PWWP2B: variants seen among roughly 807,000 people sequenced by gnomAD.
PWWP2B encodes the protein PWWP domain-containing protein 2B.
In PWWP2B, 9 loss-of-function variants were observed where a neutral mutation model predicts 15.5. That is an observed-to-expected ratio of 0.58 (90% CI 0.35 to 1.02). The LOEUF (loss-of-function observed/expected upper bound fraction) is 1.02, where lower values mean the gene tolerates loss of function less well. PWWP2B is among the 50% of genes least tolerant of loss of function. The pLI is 0.02. For synonymous variants in PWWP2B, 474 were observed against 403.6 expected, an observed-to-expected ratio of 1.17 and a Z score of -2.09; for missense variants, 864 against 865.3, an observed-to-expected ratio of 1.00 and a Z score of 0.02.
Position 132,417,522 on chromosome 10 carries a change from C to T in PWWP2B, c.*478C>T, listed in dbSNP as rs531064470. ...AGCTGTCTCGCAGACTCAGCTTGGT[C>T]TCCCGCAGGCTTCAGAAAAACCCAA... On this transcript the variant is annotated 3_prime_UTR_variant, in exon 3 of 3. Transcript: ENST00000305233. 96 of 169,970 alleles carry T rather than the reference C, an allele frequency of 5.6e-4. 1 individual carries two copies. Among genetic ancestry groups the T allele is most frequent in the African/African-American group, 2.2e-3 (94 of 42,110 alleles). 10.5% of individuals were successfully genotyped at this position (169,970 alleles called of 1,614,324 possible).
At chr10:132,412,472 C>T (rs1349174198) in intron 2 of PWWP2B, among the ~76,000 whole-genome samples, 1 of 152,172 alleles carries the variant, frequency 6.6e-6, no homozygotes, top group African/African-American at 2.4e-5. Flanking sequence ...AGGACCCCTT[C>T]AGGGGCCGTG....
Position 132,397,364 on chromosome 10 carries a change from G to A in PWWP2B, c.125+13G>A. 1.5e-6 allele frequency: 2 copies of A among 1,308,216 alleles called. No homozygotes were observed. The highest frequency in any genetic ancestry group is 2.3e-5 in the South Asian group (1 of 42,650). The allele number at this position is 1,308,216 out of a possible 1,614,324, so 81.0% of individuals were successfully genotyped here. ...ACTGCACGAAAAAGTGAGCGGGGGCGCGGGCCGGGACACCCCCGGGGTCCC... is the reference window on the plus strand; with the variant it reads ...ACTGCACGAAAAAGTGAGCGGGGGCACGGGCCGGGACACCCCCGGGGTCCC... On this transcript the variant is annotated intron_variant, in intron 1 of 2. Transcript: ENST00000305233.
At chr10:132,401,826 C>G (rs1379625674) in intron 1 of PWWP2B, among the ~76,000 whole-genome samples, 3 of 152,246 alleles carry the variant, frequency 2.0e-5, no homozygotes, top group African/African-American at 7.2e-5. Flanking sequence ...TCAAGGAGGG[C>G]AGGAGCCGAG....
chr10:132,398,515 C>G (rs1446591853), intron 1 of PWWP2B, among the ~76,000 whole-genome samples: 1 of 152,262 alleles, frequency 6.6e-6, no homozygotes, highest in African/African-American at 2.4e-5. Context: ...GCACCCCTGC[C>G]AGACCTGCAC....
intron 2 of PWWP2B, among the ~76,000 whole-genome samples, chr10:132,414,675 C>T (rs949981590): frequency 6.6e-6 from 1 of 152,252 alleles, no homozygotes; most frequent in African/African-American, 2.4e-5. Context: ...CTGCCTCTTC[C>T]TTCTGAGAAA....
chr10:132,408,075 C>T (rs1199013132), intron 2 of PWWP2B, among the ~76,000 whole-genome samples: 3 of 152,228 alleles, frequency 2.0e-5, no homozygotes, highest in African/African-American at 7.2e-5. Flanking sequence ...GGAAGAATCT[C>T]ACCAGACGGG....
At chr10:132,411,579 A>C (rs113062447) in intron 2 of PWWP2B, among the ~76,000 whole-genome samples, 2,805 of 152,358 alleles carry the variant, frequency 0.018, 94 homozygotes, top group African/African-American at 0.064. Flanking sequence ...TGCTTCAGAA[A>C]GGTCCGCTGT....
At chr10:132,413,549 G>T (rs1396269261) in intron 2 of PWWP2B, among the ~76,000 whole-genome samples, 1 of 152,122 alleles carries the variant, frequency 6.6e-6, no homozygotes, top group African/African-American at 2.4e-5. Flanking sequence ...TCTATTTTTG[G>T]AGACTCCTCG....
chr10:132,415,254 A>T (rs1457967455), intron 2 of PWWP2B, among the ~76,000 whole-genome samples: 2 of 148,476 alleles, frequency 1.3e-5, no homozygotes, highest in Non-Finnish European at 3.0e-5. Flanking sequence ...CCACTCACAC[A>T]CACACCCGCT....
rs767146486 is a variant in PWWP2B, at chr10:132,404,843, C to G, written c.343C>G (p.Pro115Ala). The G allele has an allele frequency of 2.5e-6, 4 of 1,580,740 alleles. No homozygotes were observed. The highest frequency in any genetic ancestry group is 3.4e-6 in the Non-Finnish European group (4 of 1,169,122). The change falls in exon 2 of 3, where the codon CCC becomes GCC. Residue 115 changes from proline (P) to alanine (A), a missense_variant. Transcript: ENST00000305233. ...LVPPLPAGSL[P>A]PYPPYFEGAP... ...GCCGCCGCTGCCCGCCGGAAGCCTG[C>G]CCCCGTACCCTCCCTACTTCGAAGG... is the stretch of plus-strand genomic sequence containing the variant.
Position 132,405,907 on chromosome 10 carries a change from G to A in PWWP2B, c.1407G>A (p.Thr469=), listed in dbSNP as rs776918246. 5.6e-6 allele frequency: 9 copies of A among 1,612,278 alleles called. No individual in the cohort carries two copies. The highest frequency in any genetic ancestry group is 2.2e-5 in the South Asian group (2 of 91,078). Residue 469 remains threonine (T), a synonymous_variant, in exon 2 of 3, where the codon ACG becomes ACA. Coordinates refer to ENST00000305233, the MANE Select transcript of PWWP2B (RefSeq NM_138499.4). ...CTCGCCAAACGGTGCCGCCCCTGACGGTCAGGCTGCACACACAGAGCGTGT... is the reference window on the plus strand; with the variant it reads ...CTCGCCAAACGGTGCCGCCCCTGACAGTCAGGCTGCACACACAGAGCGTGT... ...REARQTVPPL[T]VRLHTQSVSE... is the part of the protein sequence containing the mutation.
At chr10:132,404,251 AG>A (rs1203951831) in intron 1 of PWWP2B, among the ~76,000 whole-genome samples, 1 of 152,074 alleles carries the variant, frequency 6.6e-6, no homozygotes, top group Non-Finnish European at 1.5e-5. Context: ...ATGGGTCACA[AG>A]CAGCCAGACC....
At chr10:132,414,800 T>C (rs150770262) in intron 2 of PWWP2B, among the ~76,000 whole-genome samples, 180 of 152,356 alleles carry the variant, frequency 1.2e-3, no homozygotes, top group Middle Eastern at 3.4e-3. Context: ...GAGGAAGTCA[T>C]TCCAGGACTG....
intron 1 of PWWP2B, among the ~76,000 whole-genome samples, chr10:132,399,474 G>A (rs1294276255): frequency 6.6e-6 from 1 of 152,278 alleles, no homozygotes; most frequent in Non-Finnish European, 1.5e-5. Context: ...GGCCGGTTTG[G>A]GAGATGGCAT....
intron 1 of PWWP2B, among the ~76,000 whole-genome samples, chr10:132,398,504 C>T (rs12415642): frequency 0.041 from 6,208 of 152,304 alleles, 332 homozygotes; most frequent in Admixed American, 0.11. Flanking sequence ...TCAGCAGGGC[C>T]GCACCCCTGC....
rs1357279383 is a variant in PWWP2B at position 132,404,779 on chromosome 10, C to T, written c.279C>T (p.Pro93=). 6.4e-7 allele frequency: 1 copy of T among 1,553,902 alleles called. No homozygotes were observed. Residue 93 remains proline, a synonymous_variant, in exon 2 of 3, where the codon CCC becomes CCT. Transcript: ENST00000305233. ...SSPPPARGVQ[P]PETTRPEPPP... Reference sequence around the variant, plus strand: ...CCCCTCCTGCCCGCGGGGTTCAGCCCCCCGAGACCACCCGCCCCGAGCCAC... The same window carrying T: ...CCCCTCCTGCCCGCGGGGTTCAGCCTCCCGAGACCACCCGCCCCGAGCCAC...
Position 132,405,862 on chromosome 10 carries a change from G to A in PWWP2B, c.1362G>A (p.Ala454=), listed in dbSNP as rs75170913. Reference sequence around the variant, plus strand: ...TCTCGCCTGGCCACGGCGCGTCAGCGCCCTCGGTGTCCAGAGAGGCTCGCC... The same window carrying A: ...TCTCGCCTGGCCACGGCGCGTCAGCACCCTCGGTGTCCAGAGAGGCTCGCC... ...GDLSPGHGAS[A]PSVSREARQT... Residue 454 remains alanine, a synonymous_variant, in exon 2 of 3, where the codon GCG becomes GCA. Coordinates refer to ENST00000305233, the MANE Select transcript of PWWP2B (RefSeq NM_138499.4). 1,724 of 1,611,420 alleles carry A rather than the reference G, an allele frequency of 1.1e-3. 2 individuals are homozygous for A. Among genetic ancestry groups the A allele is most frequent in the East Asian group, 2.3e-3 (103 of 44,852 alleles).
chr10:132,406,136 C>T lies in PWWP2B; in HGVS notation c.1636C>T (p.Pro546Ser). Residue 546 changes from proline (P) to serine (S), a missense_variant, in exon 2 of 3, where the codon CCT (proline) becomes TCT (serine). Physicochemically the swap from Pro to Ser is moderately conservative, Grantham distance 74. Transcript: ENST00000305233. ...TSFLSISKLS[P>S]FSEFFKLRFN... ...GTTCTTGTCTATTTCAAAACTCTCC[C>T]CTTTCTCTGAATTTTTCAAACTGAG... is the stretch of plus-strand genomic sequence containing the variant. The T allele has an allele frequency of 6.2e-7, 1 of 1,613,730 alleles. No individual in the cohort carries two copies. Among genetic ancestry groups the T allele is most frequent in the Non-Finnish European group, 8.5e-7 (1 of 1,180,018 alleles).
intron 2 of PWWP2B, 118 bp from the exon 3 acceptor site, chr10:132,416,943 G>A (rs2069866160): frequency 9.5e-7 from 1 of 1,056,260 alleles, no homozygotes. Context: ...GGCGGTGGAG[G>A]TCCCGGGTGA....
Sources: allele counts gnomAD v4.1 joint callset (sites outside exome capture counted in the v4.1 genomes callset), GRCh38; gene constraint gnomAD v4.1.1; transcripts MANE v1.5; gene names NCBI Gene and HGNC (gene_info 2026-07-23, HGNC 2026-07-21).